The following UBASH3B variants were observed in gnomAD, a reference collection of about 807,000 sequenced individuals.
UBASH3B encodes the protein ubiquitin associated and SH3 domain containing B.
A neutral mutation model predicts 83.4 loss-of-function variants in UBASH3B; 37 were observed. That is an observed-to-expected ratio of 0.44 (90% CI 0.34 to 0.58). The LOEUF (loss-of-function observed/expected upper bound fraction) is 0.58. Among genes scored for constraint, UBASH3B ranks in the 20% least tolerant of loss-of-function variants. The pLI, the probability that UBASH3B is intolerant of heterozygous loss-of-function variation, is 0.01. For missense variants in UBASH3B, 657 were observed against 827.2 expected (o/e 0.79, Z 2.52); for synonymous variants, 304 against 318.3 (o/e 0.96, Z 0.48).
At chr11:122,691,420 T>C (rs1012872642) in intron 1 of UBASH3B, among the ~76,000 whole-genome samples, 2 of 152,224 alleles carry the variant, frequency 1.3e-5, no homozygotes, top group African/African-American at 2.4e-5. Flanking sequence ...TAGAGGAAAC[T>C]GGCCTTTGTT....
intron 8 of UBASH3B, 83 bp from the exon 9 acceptor site, chr11:122,796,828 G>A (rs1273921877): frequency 6.3e-7 from 1 of 1,588,034 alleles, no homozygotes; most frequent in South Asian, 1.1e-5. Context: ...AAGGAATGGG[G>A]GTGGAGAGTG....
intron 1 of UBASH3B, among the ~76,000 whole-genome samples, chr11:122,705,471 AG>A (rs377710401): frequency 9.2e-5 from 14 of 151,418 alleles, no homozygotes; most frequent in African/African-American, 2.7e-4. Context: ...AAAAAAAAAA[AG>A]AAAAAAAGAA....
At chr11:122,716,656 C>T (rs1170082117) in intron 1 of UBASH3B, among the ~76,000 whole-genome samples, 1 of 152,180 alleles carries the variant, frequency 6.6e-6, no homozygotes, top group Non-Finnish European at 1.5e-5. Context: ...TTTCAGTCTG[C>T]CCCGCTCTGT....
At chr11:122,679,759 C>T (rs1381888685) in intron 1 of UBASH3B, among the ~76,000 whole-genome samples, 2 of 152,202 alleles carry the variant, frequency 1.3e-5, no homozygotes, top group African/African-American at 4.8e-5. Context: ...TATTTGTGGG[C>T]ACTGAAATTT....
chr11:122,670,039 C>A (rs1863572997), intron 1 of UBASH3B, among the ~76,000 whole-genome samples: 1 of 152,178 alleles, frequency 6.6e-6, no homozygotes, highest in Non-Finnish European at 1.5e-5. Flanking sequence ...AGAGGGCAAC[C>A]CGACTTGCCC....
Position 122,783,150 on chromosome 11 carries a change from C to A in UBASH3B, c.699C>A (p.Asn233Lys). 6.2e-7 allele frequency: 1 copy of A among 1,614,160 alleles called. No individual in the cohort carries two copies. Among genetic ancestry groups the A allele is most frequent in the Non-Finnish European group, 8.5e-7 (1 of 1,180,012 alleles). ...HLPTLEKLAQ[N>K]IDVKLGCDWV... is the part of the protein sequence containing the mutation. ...CCACCCTAGAGAAACTGGCCCAGAA[C>A]ATTGACGTCAAGCTAGGGTGTGACT... The change falls in exon 5 of 14, where the codon AAC (asparagine) becomes AAA (lysine). Residue 233 changes from asparagine to lysine, a missense_variant. Asn to Lys is a moderately conservative substitution (Grantham distance 94). Coordinates refer to ENST00000284273, the MANE Select transcript of UBASH3B (RefSeq NM_032873.5).
rs1864090591 is a variant in UBASH3B, at chr11:122,704,567, T to G, written c.161+48357T>G. On this transcript the variant is annotated intron_variant, in intron 1 of 13. Transcript: ENST00000284273. ...CTCTGTCATCTAGGCTGGAGTGCAGTGGCGTGATCTCGGCTCACTGCAACC... is the reference window on the plus strand; with the variant it reads ...CTCTGTCATCTAGGCTGGAGTGCAGGGGCGTGATCTCGGCTCACTGCAACC... Among the ~76,000 whole-genome samples the G allele has an allele frequency of 1.3e-5, 2 of 152,000 alleles. 1 individual carries two copies. Among genetic ancestry groups the G allele is most frequent in the African/African-American group, 4.8e-5 (2 of 41,394 alleles).
chr11:122,701,954 C>T (rs140320881), intron 1 of UBASH3B, among the ~76,000 whole-genome samples: 278 of 152,220 alleles, frequency 1.8e-3, no homozygotes, highest in African/African-American at 6.2e-3. Context: ...CCTGGGCTCA[C>T]GTGATCCTCC....
intron 1 of UBASH3B, chr11:122,775,594 G>A (rs1331565312): frequency 2.6e-5 from 4 of 152,232 alleles, no homozygotes; most frequent in East Asian, 1.9e-4. Context: ...GCAACATAAT[G>A]ATATCCTGTC....
chr11:122,759,105 A>G lies in UBASH3B; in HGVS notation c.162-17114A>G, dbSNP rs1861329069. On this transcript the variant is annotated intron_variant, in intron 1 of 13. Coordinates refer to ENST00000284273, the MANE Select transcript of UBASH3B (RefSeq NM_032873.5). This position sits in a 1 kb window ranked among gnomAD's most constrained non-coding sequence, Gnocchi z 4.1. Reference sequence around the variant, plus strand: ...GTGTTGGCCAGGCCGTGTTCTCACCAGAAAGCTTGACTAAGATCCACTTAT... The same window carrying G: ...GTGTTGGCCAGGCCGTGTTCTCACCGGAAAGCTTGACTAAGATCCACTTAT... 1.3e-5 allele frequency among the ~76,000 whole-genome samples: 2 copies of G among 152,230 alleles called. No homozygotes were observed. The highest frequency in any genetic ancestry group is 3.8e-4 in the East Asian group (2 of 5,198).
rs1373435066 is a variant in UBASH3B, at chr11:122,811,076, T to C, written c.*1190T>C. On this transcript the variant is annotated 3_prime_UTR_variant, in exon 14 of 14. Transcript: ENST00000284273. ...CATAGGTAGGGCTACTGAGGAAATT[T>C]GGAGAGCCACATTCTGTGGTTTCTC... 1 of 152,652 alleles carries C rather than the reference T, an allele frequency of 6.6e-6. No homozygotes were observed. The allele number at this position is 152,652 out of a possible 1,614,324, so 9.5% of individuals were successfully genotyped here.
intron 1 of UBASH3B, among the ~76,000 whole-genome samples, chr11:122,690,167 CATATATATATATATAT>C (rs57203901): frequency 0.019 from 824 of 43,556 alleles, 35 homozygotes; most frequent in African/African-American, 0.047. Flanking sequence ...GGCAGGAAAA[CATATATATATATATAT>C]ATATATATAT....
At chr11:122,709,201 G>A (rs996170503) in intron 1 of UBASH3B, 1 of 152,218 alleles carries the variant, frequency 6.6e-6, no homozygotes, top group Admixed American at 6.5e-5. Context: ...ATGATCACAC[G>A]ACTGCACTCC....
intron 1 of UBASH3B, among the ~76,000 whole-genome samples, chr11:122,677,045 G>T (rs1863677068): frequency 6.6e-6 from 1 of 152,124 alleles, no homozygotes; most frequent in Admixed American, 6.5e-5. Flanking sequence ...TGAATTTGTT[G>T]TTTCAACCAA....
chr11:122,660,099 G>A (rs1289994108), intron 1 of UBASH3B, among the ~76,000 whole-genome samples: 1 of 152,190 alleles, frequency 6.6e-6, no homozygotes, highest in African/African-American at 2.4e-5. Context: ...GGACCAGAGG[G>A]CTGCAGGGCT....
chr11:122,789,387 G>C (rs1003345321), intron 6 of UBASH3B, 79 bp downstream of exon 6: 1 of 1,467,342 alleles, frequency 6.8e-7, no homozygotes. Flanking sequence ...CAGGGCAGCA[G>C]TAAATGGAGT....
intron 1 of UBASH3B, among the ~76,000 whole-genome samples, chr11:122,733,425 TAA>T (rs1860877894): frequency 6.6e-6 from 1 of 152,248 alleles, no homozygotes; most frequent in South Asian, 2.1e-4. Flanking sequence ...ATGTCAACGA[TAA>T]GTCACTAGAA....
chr11:122,787,732 G>T (rs1860979285), intron 5 of UBASH3B, among the ~76,000 whole-genome samples: 1 of 152,146 alleles, frequency 6.6e-6, no homozygotes, highest in African/African-American at 2.4e-5. Context: ...CTGTCCTAAG[G>T]TGTTTTCTTA....
chr11:122,753,584 C>T (rs1206161323), intron 1 of UBASH3B, among the ~76,000 whole-genome samples: 2 of 149,366 alleles, frequency 1.3e-5, no homozygotes, highest in Admixed American at 1.3e-4. Context: ...GCAACCTCCT[C>T]CTCCCGGGTT....
Sources: gnomAD v4.1 joint callset for allele counts (sites outside exome capture counted in the v4.1 genomes callset) on GRCh38, gnomAD v4.1.1 for gene constraint, Gnocchi (gnomAD v3.1) non-coding constraint, MANE v1.5 for transcripts, NCBI Gene and HGNC (gene_info 2026-07-23, HGNC 2026-07-21) for gene names.